The following NRXN3 variants were observed in gnomAD, a reference collection of about 807,000 sequenced individuals.
NRXN3 encodes neurexin III.
Under a neutral mutation model 137.6 loss-of-function variants are expected in NRXN3, and 32 were observed. That is an observed-to-expected ratio of 0.23 (90% CI 0.18 to 0.31). The LOEUF (loss-of-function observed/expected upper bound fraction) is 0.31, where lower values mean the gene tolerates loss of function less well. Among genes scored for constraint, NRXN3 ranks in the 10% least tolerant of loss-of-function variants. The pLI, the probability that NRXN3 is intolerant of heterozygous loss-of-function variation, is 1.00. For synonymous variants in NRXN3, 798 were observed against 784.5 expected, an observed-to-expected ratio of 1.02 and a Z score of -0.29; for missense variants, 1,574 against 2,062.5, an observed-to-expected ratio of 0.76 and a Z score of 4.59.
intron 2 of NRXN3, among the ~76,000 whole-genome samples, chr14:78,248,104 T>G (rs1448274955): frequency 3.3e-5 from 5 of 152,204 alleles, no homozygotes; most frequent in Non-Finnish European, 7.4e-5. Context: ...AAAAGTTGAT[T>G]ACTTGTCTTC....
At chr14:79,461,638 G>A (rs2096342939) in intron 15 of NRXN3, among the ~76,000 whole-genome samples, 1 of 152,172 alleles carries the variant, frequency 6.6e-6, no homozygotes, top group South Asian at 2.1e-4. Context: ...AAAGCAACAA[G>A]CCTTTCCCTT....
At chr14:79,203,025 G>GT (rs2153220070) in intron 15 of NRXN3, among the ~76,000 whole-genome samples, 1 of 152,156 alleles carries the variant, frequency 6.6e-6, no homozygotes, top group Non-Finnish European at 1.5e-5. Context: ...AACATCTACT[G>GT]TTTTTTGATT....
chr14:79,825,985 A>AT (rs2099297707), intron 20 of NRXN3, among the ~76,000 whole-genome samples: 1 of 147,200 alleles, frequency 6.8e-6, no homozygotes, highest in Admixed American at 7.2e-5. Flanking sequence ...ACACATATAT[A>AT]TACCTTCCTC....
At chr14:78,290,417 C>T (rs960739131) in intron 3 of NRXN3, among the ~76,000 whole-genome samples, 2 of 152,058 alleles carry the variant, frequency 1.3e-5, no homozygotes, top group Non-Finnish European at 2.9e-5. Flanking sequence ...ACTAGTGAAC[C>T]CTGGGCAGAA....
At chr14:79,554,296 A>C (rs1163830283) in intron 16 of NRXN3, among the ~76,000 whole-genome samples, 1 of 152,054 alleles carries the variant, frequency 6.6e-6, no homozygotes, top group Non-Finnish European at 1.5e-5. Flanking sequence ...CACAAGGAAG[A>C]CTCGTAAAAT....
In NRXN3 at chr14:79,391,207, C is replaced by T. The variant is rs78665856; in HGVS notation, c.3263-76014C>T. Among the ~76,000 whole-genome samples the T allele has an allele frequency of 8.5e-3, 1,295 of 152,114 alleles. 32 individuals carry two copies. In the East Asian group the frequency reaches 0.099, roughly 12 times the overall value. Reference sequence around the variant, plus strand: ...GATTAGAGGATCTTAATATCTTATTCTGTAGTGAACTTTAGAATATTTTAG... The same window carrying T: ...GATTAGAGGATCTTAATATCTTATTTTGTAGTGAACTTTAGAATATTTTAG... On this transcript the variant is annotated intron_variant, in intron 15 of 20. Coordinates refer to ENST00000335750, the MANE Select transcript of NRXN3 (RefSeq NM_001330195.2).
intron 19 of NRXN3, among the ~76,000 whole-genome samples, chr14:79,766,325 T>C (rs748846432): frequency 1.6e-4 from 25 of 152,246 alleles, no homozygotes; most frequent in Non-Finnish European, 3.5e-4. Context: ...TGAAGTAATA[T>C]GGCTTCATGT....
intron 14 of NRXN3, among the ~76,000 whole-genome samples, chr14:78,970,287 G>A (rs1359340329): frequency 1.3e-5 from 2 of 152,050 alleles, no homozygotes; most frequent in Non-Finnish European, 2.9e-5. Context: ...TTTTAAAAAG[G>A]TATAAAGTAA....
intron 5 of NRXN3, among the ~76,000 whole-genome samples, chr14:78,646,157 G>A (rs933801491): frequency 3.9e-5 from 6 of 152,122 alleles, no homozygotes; most frequent in African/African-American, 1.4e-4. Context: ...AACTCCCATC[G>A]CTTGCCGATT....
At chr14:78,247,815 A>G (rs1412630649) in intron 2 of NRXN3, among the ~76,000 whole-genome samples, 1 of 152,196 alleles carries the variant, frequency 6.6e-6, no homozygotes, top group Admixed American at 6.5e-5. Flanking sequence ...TTTTTAAAAC[A>G]TTCTTGGTTA....
At chr14:78,277,250 A>G (rs984894121) in intron 2 of NRXN3, among the ~76,000 whole-genome samples, 4 of 152,186 alleles carry the variant, frequency 2.6e-5, no homozygotes, top group African/African-American at 9.7e-5. Flanking sequence ...GTTGGCATGA[A>G]GAACATTACC....
chr14:78,419,938 C>CGT (rs1341260184), intron 4 of NRXN3, among the ~76,000 whole-genome samples: 19 of 112,718 alleles, frequency 1.7e-4, no homozygotes, highest in African/African-American at 6.5e-4. Flanking sequence ...TCTGTGTGCA[C>CGT]GTGTGTGCGC....
chr14:79,636,827 G>T (rs147784694), intron 16 of NRXN3, among the ~76,000 whole-genome samples: 2,035 of 152,324 alleles, frequency 0.013, 25 homozygotes, highest in Non-Finnish European at 0.018. Flanking sequence ...TGCCAAAGGA[G>T]CATGGATGAC....
At chr14:79,708,659 CATGTTTGAATGATTGTAAAAA>C (rs1390216467) in intron 19 of NRXN3, among the ~76,000 whole-genome samples, 1 of 152,048 alleles carries the variant, frequency 6.6e-6, no homozygotes, top group African/African-American at 2.4e-5. Flanking sequence ...CTTTCTGGTG[CATGTTTGAATGATTGTAAAAA>C]TTAGAAACAC....
intron 4 of NRXN3, among the ~76,000 whole-genome samples, chr14:78,306,091 T>C (rs2077345237): frequency 6.6e-6 from 1 of 152,192 alleles, no homozygotes; most frequent in Non-Finnish European, 1.5e-5. Flanking sequence ...TTCAAAAAAG[T>C]GTTAATGTGA....
At chr14:78,173,137 G>A (rs778207958) in intron 1 of NRXN3, among the ~76,000 whole-genome samples, 1 of 152,066 alleles carries the variant, frequency 6.6e-6, no homozygotes, top group Non-Finnish European at 1.5e-5. Context: ...TGGGAGAACG[G>A]TAGATGAGAT....
At chr14:79,838,268 T>C (rs1332927955) in intron 20 of NRXN3, among the ~76,000 whole-genome samples, 2 of 152,208 alleles carry the variant, frequency 1.3e-5, no homozygotes, top group Non-Finnish European at 2.9e-5. Context: ...AAATAAGCGT[T>C]ACTATAGATT....
At chr14:78,470,033 T>C (rs1164282508) in intron 4 of NRXN3, among the ~76,000 whole-genome samples, 2 of 152,246 alleles carry the variant, frequency 1.3e-5, no homozygotes, top group Non-Finnish European at 2.9e-5. Context: ...TGGGTTTTTT[T>C]CCATGTTCAT....
At chr14:78,820,880 T>C (rs1305507062) in intron 10 of NRXN3, among the ~76,000 whole-genome samples, 1 of 152,176 alleles carries the variant, frequency 6.6e-6, no homozygotes, top group African/African-American at 2.4e-5. Context: ...ATTTGGATGG[T>C]TATGAACTCA....
Sources: gnomAD v4.1 joint callset for allele counts (sites outside exome capture counted in the v4.1 genomes callset) on GRCh38, gnomAD v4.1.1 for gene constraint, MANE v1.5 for transcripts, NCBI Gene and HGNC (gene_info 2026-07-23, HGNC 2026-07-21) for gene names.